VMP1: variants seen among roughly 807,000 people sequenced by gnomAD.
VMP1 encodes vacuole membrane protein 1, also known as ectopic P-granules autophagy protein 3 homolog.
Under a neutral mutation model 56.0 loss-of-function variants are expected in VMP1, and 11 were observed. The observed-to-expected ratio is 0.20, with a 90% CI of 0.12 to 0.32. The LOEUF (loss-of-function observed/expected upper bound fraction) is 0.32, where lower values mean the gene tolerates loss of function less well. Among genes scored for constraint, VMP1 ranks in the 10% least tolerant of loss-of-function variants. The pLI is 1.00. For synonymous variants in VMP1, 149 were observed against 165.0 expected, an observed-to-expected ratio of 0.90 and a Z score of 0.74; for missense variants, 296 against 490.3, an observed-to-expected ratio of 0.60 and a Z score of 3.74.
chr17:59,798,969 G>C (rs953600320), intron 7 of VMP1, among the ~76,000 whole-genome samples: 3 of 152,092 alleles, frequency 2.0e-5, no homozygotes, highest in African/African-American at 4.8e-5. Flanking sequence ...TAATGAAACT[G>C]CCCTAGATAA....
At chr17:59,832,765 T>A (rs1043474679) in intron 10 of VMP1, among the ~76,000 whole-genome samples, 2 of 146,958 alleles carry the variant, frequency 1.4e-5, no homozygotes, top group African/African-American at 5.0e-5. Flanking sequence ...GGCAATATTT[T>A]TTTTTTTTTT....
At chr17:59,781,336 G>A (rs1328147855) in intron 7 of VMP1, among the ~76,000 whole-genome samples, 1 of 152,072 alleles carries the variant, frequency 6.6e-6, no homozygotes, top group Non-Finnish European at 1.5e-5. Context: ...AAAAGTGAAA[G>A]CTCACACACC....
chr17:59,778,749 C>T (rs1392451873), intron 7 of VMP1, among the ~76,000 whole-genome samples: 1 of 152,156 alleles, frequency 6.6e-6, no homozygotes, highest in African/African-American at 2.4e-5. Context: ...AATTTCTTGC[C>T]TAGGCAATGC....
At chr17:59,831,019 T>G (rs1241433932) in intron 10 of VMP1, among the ~76,000 whole-genome samples, 1 of 151,586 alleles carries the variant, frequency 6.6e-6, no homozygotes, top group Non-Finnish European at 1.5e-5. Flanking sequence ...GAGACAGGAG[T>G]CTTACTGTGT....
At position 59,735,374 on chromosome 17, in the gene VMP1, G is replaced by A. The variant is rs771967487; in HGVS notation, c.113G>A (p.Arg38Gln). Residue 38 changes from arginine to glutamine, a missense_variant, in exon 3 of 12, where the codon CGG (arginine) becomes CAG (glutamine). Arg to Gln is a conservative substitution (Grantham distance 43). Around this residue, in one of 4 missense-constraint regions of VMP1, gnomAD observed 69 missense variants for 76.6 expected, o/e 0.90. Coordinates refer to ENST00000262291, the MANE Select transcript of VMP1 (RefSeq NM_030938.5). ...SSVNEKKRRE[R>Q]EERQNIVLWR... ...GTGAATGAAAAGAAGAGGAGGGAGC[G>A]GGAAGAAAGGCAGAATATTGTCCTG... 2.0e-5 allele frequency: 33 copies of A among 1,613,902 alleles called. No individual in the cohort carries two copies. In the Admixed American group the frequency reaches 3.3e-4, roughly 16 times the overall value.
At chr17:59,719,969 G>T (rs548888797) in intron 1 of VMP1, among the ~76,000 whole-genome samples, 1 of 152,172 alleles carries the variant, frequency 6.6e-6, no homozygotes, top group East Asian at 1.9e-4. Context: ...TTTGATGTTT[G>T]AGTTATGCTT....
At chr17:59,782,996 C>T (rs931261874) in intron 7 of VMP1, among the ~76,000 whole-genome samples, 3 of 152,036 alleles carry the variant, frequency 2.0e-5, no homozygotes, top group Admixed American at 6.5e-5. Context: ...GACATCGAGA[C>T]CATCCTGGCT....
At position 59,733,988 on chromosome 17, in the gene VMP1, G is replaced by A. The variant is rs190988263; in HGVS notation, c.77-1350G>A. On this transcript the variant is annotated intron_variant, in intron 2 of 11. Coordinates refer to ENST00000262291, the MANE Select transcript of VMP1 (RefSeq NM_030938.5). ...AACTAGTTTGCCTCACCATTTTTGC[G>A]ATCTAAACCACTTTGTTCTGTAATA... Among the ~76,000 whole-genome samples, 490 of 152,268 alleles carry A rather than the reference G, an allele frequency of 3.2e-3. 6 individuals carry two copies. Among genetic ancestry groups the A allele is most frequent in the Middle Eastern group, 6.8e-3 (2 of 294 alleles).
intron 7 of VMP1, among the ~76,000 whole-genome samples, chr17:59,775,473 AC>A (rs1291597865): frequency 6.6e-6 from 1 of 152,036 alleles, no homozygotes; most frequent in East Asian, 1.9e-4. Context: ...ACAGGTATAT[AC>A]CACTATGGCC....
rs1395062408 is a variant in VMP1, at chr17:59,841,887, ATT to A, written c.*1979_*1980del. Reference sequence around the variant, plus strand: ...GTGTATTATTAAATAGAAAAAAAAAATTTTGTTTCCTAGGTTGAAGGTCTAAT... The same window carrying A: ...GTGTATTATTAAATAGAAAAAAAAAATTGTTTCCTAGGTTGAAGGTCTAAT... On this transcript the variant is annotated 3_prime_UTR_variant, in exon 12 of 12. Transcript: ENST00000262291. 1 of 152,220 alleles carries A rather than the reference ATT, an allele frequency of 6.6e-6. No homozygotes were observed. The highest frequency in any genetic ancestry group is 1.9e-4 in the East Asian group (1 of 5,186). 9.4% of individuals were successfully genotyped at this position (152,220 alleles called of 1,614,324 possible).
At chr17:59,838,461 C>T (rs539671632) in intron 11 of VMP1, 64 bp downstream of exon 11, 2 of 1,516,448 alleles carry the variant, frequency 1.3e-6, no homozygotes, top group Non-Finnish European at 9.1e-7. Context: ...ACATTCACAG[C>T]TCTCACTCAC....
At chr17:59,789,238 GAAAAAAAAAAAAGAT>G (rs1485758540) in intron 7 of VMP1, among the ~76,000 whole-genome samples, 2 of 110,472 alleles carry the variant, frequency 1.8e-5, no homozygotes, top group African/African-American at 3.5e-5. Context: ...TGCAGTGAGA[GAAAAAAAAAAAAGAT>G]AAAAGAAAAA....
chr17:59,817,903 G>C, intron 10 of VMP1, 130 bp downstream of exon 10: 1 of 564,856 alleles, frequency 1.8e-6, no homozygotes, highest in Non-Finnish European at 2.9e-6. Flanking sequence ...ATAACTTGCT[G>C]TTATTAGTAA....
intron 9 of VMP1, among the ~76,000 whole-genome samples, chr17:59,815,899 C>T (rs1331990137): frequency 6.7e-6 from 1 of 149,226 alleles, no homozygotes; most frequent in African/African-American, 2.4e-5. Flanking sequence ...CAATGAAGGA[C>T]TTCTTTTACA....
chr17:59,737,662 T>A, intron 4 of VMP1, 119 bp downstream of exon 4: 1 of 751,158 alleles, frequency 1.3e-6, no homozygotes, highest in Non-Finnish European at 2.0e-6. Flanking sequence ...ATCTCATAAC[T>A]AGTATCTCAA....
chr17:59,782,780 T>C (rs1451801328), intron 7 of VMP1, among the ~76,000 whole-genome samples: 3 of 143,268 alleles, frequency 2.1e-5, no homozygotes, highest in African/African-American at 7.9e-5. Context: ...TTTTTGAAGG[T>C]AAAGCCCTGT....
At chr17:59,820,314 T>A (rs889651445) in intron 10 of VMP1, among the ~76,000 whole-genome samples, 1 of 152,182 alleles carries the variant, frequency 6.6e-6, no homozygotes, top group South Asian at 2.1e-4. Context: ...CTTGGCACTA[T>A]TGACTTTTTA....
chr17:59,735,262 T>A, intron 2 of VMP1, 76 bp from the exon 3 acceptor site: 15 of 1,538,846 alleles, frequency 9.7e-6, no homozygotes, highest in Non-Finnish European at 1.2e-5. Flanking sequence ...TAAAACTCTT[T>A]TCATCTAAAG....
rs1000408141 is a variant in VMP1 at position 59,751,608 on chromosome 17, G to GC, written c.414+12661_414+12662insC. On this transcript the variant is annotated intron_variant, in intron 5 of 11. Coordinates refer to ENST00000262291, the MANE Select transcript of VMP1 (RefSeq NM_030938.5). ...AATACAAAAATTAGCTGGGCGTGGT[G>GC]GGGGGGGCGCCTGTAATCCCAGCTA... is the stretch of plus-strand genomic sequence containing the variant. Among the ~76,000 whole-genome samples the GC allele has an allele frequency of 1.7e-4, 15 of 86,442 alleles. No individual in the cohort carries two copies. The South Asian group carries it at 7.2e-3, about 41-fold the overall frequency. 56.7% of individuals were successfully genotyped at this position (86,442 alleles called of 152,430 possible).
Sources: allele counts gnomAD v4.1 joint callset (sites outside exome capture counted in the v4.1 genomes callset), GRCh38; gene constraint gnomAD v4.1.1; regional missense constraint gnomAD v4.1.1; transcripts MANE v1.5; gene names NCBI Gene and HGNC (gene_info 2026-07-23, HGNC 2026-07-21).